LRRTM3: variants seen among roughly 807,000 people sequenced by gnomAD.
LRRTM3 encodes leucine-rich repeat transmembrane neuronal protein 3.
In LRRTM3, 24 loss-of-function variants were observed where a neutral mutation model predicts 44.7. That is an observed-to-expected ratio of 0.54 (90% CI 0.39 to 0.76). The LOEUF (loss-of-function observed/expected upper bound fraction) is 0.76, where lower values mean the gene tolerates loss of function less well. LRRTM3 is among the 30% of genes least tolerant of loss of function. The pLI, the probability that LRRTM3 is intolerant of heterozygous loss-of-function variation, is 0.00. For missense variants in LRRTM3, 587 were observed against 702.2 expected (o/e 0.84, Z 1.85); for synonymous variants, 277 against 278.7 (o/e 0.99, Z 0.06).
rs960341676 is a variant in LRRTM3 at position 66,926,591 on chromosome 10, T to G, written c.4+4T>G. ...CTTTGAACAATACAAAGGATGGGTA[T>G]GTTTTGTCATTTTTCTTCTTTCCTT... On this transcript the variant is annotated splice_donor_region_variant and intron_variant, in intron 1 of 2. Transcript: ENST00000361320. 1 of 1,613,958 alleles carries G rather than the reference T, an allele frequency of 6.2e-7. No individual in the cohort carries two copies. The highest frequency in any genetic ancestry group is 1.3e-5 in the African/African-American group (1 of 74,918).
intron 2 of LRRTM3, among the ~76,000 whole-genome samples, chr10:66,970,439 C>T (rs1161900450): frequency 1.4e-5 from 2 of 145,580 alleles, no homozygotes; most frequent in Admixed American, 1.5e-4. Flanking sequence ...GGTAATATTA[C>T]ATTTGAGTTC....
intron 2 of LRRTM3, among the ~76,000 whole-genome samples, chr10:66,962,574 T>C (rs1304015324): frequency 1.3e-5 from 2 of 151,926 alleles, no homozygotes; most frequent in Non-Finnish European, 2.9e-5. Context: ...CACACCCAGA[T>C]AATTTTTTTT....
intron 2 of LRRTM3, among the ~76,000 whole-genome samples, chr10:67,034,387 G>T (rs1853915072): frequency 6.6e-6 from 1 of 152,142 alleles, no homozygotes; most frequent in Admixed American, 6.5e-5. Context: ...AAAATGTTCT[G>T]GTTGCCCTCA....
chr10:67,004,079 C>T (rs1471907373), intron 2 of LRRTM3, among the ~76,000 whole-genome samples: 5 of 151,432 alleles, frequency 3.3e-5, no homozygotes, highest in African/African-American at 1.2e-4. Context: ...AACTTACCTG[C>T]ATTTTGATGT....
At chr10:67,016,506 C>T (rs1017313836) in intron 2 of LRRTM3, among the ~76,000 whole-genome samples, 8 of 152,104 alleles carry the variant, frequency 5.3e-5, no homozygotes, top group African/African-American at 1.2e-4. Flanking sequence ...GAGAATAGAA[C>T]GAGGTTGTTG....
intron 2 of LRRTM3, among the ~76,000 whole-genome samples, chr10:67,024,780 T>G (rs952617914): frequency 6.6e-6 from 1 of 152,184 alleles, no homozygotes; most frequent in South Asian, 2.1e-4. Context: ...GATGTTGCTT[T>G]AAATATTTTA....
At chr10:66,949,418 C>T (rs547606119) in intron 2 of LRRTM3, among the ~76,000 whole-genome samples, 18 of 152,116 alleles carry the variant, frequency 1.2e-4, no homozygotes, top group African/African-American at 3.1e-4. Context: ...ATTAGCCTGG[C>T]GTGTTGGCAT....
At chr10:67,005,682 C>CTTTTTTTTTTTATTTTTTTTTTTTTTTT (rs1851928113) in intron 2 of LRRTM3, among the ~76,000 whole-genome samples, 1 of 61,976 alleles carries the variant, frequency 1.6e-5, no homozygotes, top group Non-Finnish European at 2.9e-5. Context: ...TTTACTCCAT[C>CTTTTTTTTTTTATTTTTTTTTTTTTTTT]TTTTTTTTTT....
At chr10:67,044,683 T>C (rs1249090788) in intron 2 of LRRTM3, among the ~76,000 whole-genome samples, 2 of 152,210 alleles carry the variant, frequency 1.3e-5, no homozygotes, top group East Asian at 3.9e-4. Context: ...TTGTTTTTAA[T>C]GACTTGCACC....
intron 2 of LRRTM3, among the ~76,000 whole-genome samples, chr10:67,084,352 A>T (rs1157826221): frequency 6.6e-6 from 1 of 152,096 alleles, no homozygotes; most frequent in Admixed American, 6.6e-5. Flanking sequence ...AACAGTCACT[A>T]ACCATGACCA....
chr10:67,075,175 C>CACACACACACAT (rs1564873838), intron 2 of LRRTM3, among the ~76,000 whole-genome samples: 1 of 151,864 alleles, frequency 6.6e-6, no homozygotes, highest in Non-Finnish European at 1.5e-5. Context: ...TTTCTGCACA[C>CACACACACACAT]ACACACACAC....
chr10:67,096,097 T>C (rs1295532124), intron 2 of LRRTM3, among the ~76,000 whole-genome samples: 3 of 151,856 alleles, frequency 2.0e-5, no homozygotes, highest in African/African-American at 7.2e-5. Flanking sequence ...GGAATTTTCA[T>C]TTAATAAGCT....
intron 2 of LRRTM3, among the ~76,000 whole-genome samples, chr10:67,000,427 T>A (rs751269447): frequency 6.6e-6 from 1 of 152,202 alleles, no homozygotes; most frequent in Non-Finnish European, 1.5e-5. Context: ...CTACTTATTG[T>A]GATGATGTTG....
rs554866257 is a variant in LRRTM3, at chr10:67,087,426, A to T, written c.1537-10161A>T. On this transcript the variant is annotated intron_variant, in intron 2 of 2. Transcript: ENST00000361320. ...AACATTTTGCAATTTATAGGGGGAA[A>T]ATCACCAAATTAAGGGATGATTATC... 2.3e-4 allele frequency among the ~76,000 whole-genome samples: 35 copies of T among 152,144 alleles called. No individual in the cohort carries two copies. In the South Asian group the frequency reaches 7.0e-3, roughly 31 times the overall value.
At chr10:66,996,187 G>C (rs1380196488) in intron 2 of LRRTM3, among the ~76,000 whole-genome samples, 1 of 152,082 alleles carries the variant, frequency 6.6e-6, no homozygotes, top group African/African-American at 2.4e-5. Context: ...GAAGTTTAAT[G>C]GTTTCAAGGA....
At chr10:67,024,925 GTTT>G (rs1411396855) in intron 2 of LRRTM3, among the ~76,000 whole-genome samples, 2 of 152,050 alleles carry the variant, frequency 1.3e-5, no homozygotes, top group Non-Finnish European at 2.9e-5. Context: ...GAGGTCCGGA[GTTT>G]GAGACCAGCC....
chr10:66,957,459 T>TGC (rs771996707), intron 2 of LRRTM3, among the ~76,000 whole-genome samples: 11 of 25,174 alleles, frequency 4.4e-4, no homozygotes, highest in East Asian at 3.9e-3. Context: ...TATATATGCA[T>TGC]ATATATATAT....
At chr10:66,958,575 A>G (rs1453369609) in intron 2 of LRRTM3, among the ~76,000 whole-genome samples, 1 of 152,150 alleles carries the variant, frequency 6.6e-6, no homozygotes, top group East Asian at 1.9e-4. Context: ...TCAATAAGTA[A>G]GTAAGCGAAT....
chr10:67,024,988 G>A (rs1853264242), intron 2 of LRRTM3, among the ~76,000 whole-genome samples: 1 of 151,942 alleles, frequency 6.6e-6, no homozygotes, highest in South Asian at 2.1e-4. Context: ...AAATTAGCCA[G>A]GTGTGGTGGC....
Sources: allele counts gnomAD v4.1 joint callset (sites outside exome capture counted in the v4.1 genomes callset), GRCh38; gene constraint gnomAD v4.1.1; transcripts MANE v1.5; gene names NCBI Gene and HGNC (gene_info 2026-07-23, HGNC 2026-07-21).